Variants in SPECC1 observed in about 807,000 individuals in gnomAD.
SPECC1 encodes the protein cytospin-B.
A neutral mutation model predicts 104.1 loss-of-function variants in SPECC1; 62 were observed. The observed-to-expected ratio is 0.60, with a 90% confidence interval of 0.49 to 0.74. SPECC1 has a LOEUF of 0.74. Among genes scored for constraint, SPECC1 ranks in the 30% least tolerant of loss-of-function variants. The probability of loss-of-function intolerance (pLI) is 0.00; values close to 1 mark genes in which losing one functional copy is unlikely to be tolerated. For synonymous variants in SPECC1, 513 were observed against 501.6 expected (o/e 1.02, Z -0.30); for missense variants, 1,306 against 1,310.5 (o/e 1.00, Z 0.05).
At chr17:20,171,752 A>G (rs755259891) in intron 3 of SPECC1, among the ~76,000 whole-genome samples, 1 of 152,014 alleles carries the variant, frequency 6.6e-6, no homozygotes, top group African/African-American at 2.4e-5. Flanking sequence ...GTCTTGCTGT[A>G]TTGCTCAGGC....
chr17:20,242,331 G>A lies in SPECC1; in HGVS notation c.2352-3595G>A, dbSNP rs137982907. Among the ~76,000 whole-genome samples, 198 of 152,370 alleles carry A rather than the reference G, an allele frequency of 1.3e-3. 1 individual carries two copies. The highest frequency in any genetic ancestry group is 4.6e-3 in the African/African-American group (193 of 41,594). ...TTTAAAGGGAAATAATTAGAGACAT[G>A]TATGTATATGTGCTTAAATGACAAG... On this transcript the variant is annotated intron_variant, in intron 7 of 14. Coordinates refer to ENST00000395527, the MANE Select transcript of SPECC1 (RefSeq NM_001243439.2).
intron 3 of SPECC1, among the ~76,000 whole-genome samples, chr17:20,155,027 G>A (rs1285050902): frequency 6.6e-6 from 1 of 152,170 alleles, no homozygotes; most frequent in Non-Finnish European, 1.5e-5. Flanking sequence ...AATGAGTCTG[G>A]AGTTAGAAGA....
chr17:20,264,442 T>A (rs2040143895), intron 12 of SPECC1, among the ~76,000 whole-genome samples: 1 of 149,754 alleles, frequency 6.7e-6, no homozygotes, highest in Non-Finnish European at 1.5e-5. Flanking sequence ...TCCATGTGGC[T>A]TTTTTTGGAG....
At chr17:20,252,202 C>A (rs1331383032) in intron 9 of SPECC1, among the ~76,000 whole-genome samples, 7 of 152,040 alleles carry the variant, frequency 4.6e-5, no homozygotes, top group Admixed American at 4.6e-4. Context: ...ACTCTATTAA[C>A]AAATTTTTAA....
chr17:20,163,811 T>G (rs1375860880), intron 3 of SPECC1, among the ~76,000 whole-genome samples: 3 of 152,180 alleles, frequency 2.0e-5, no homozygotes, highest in African/African-American at 7.2e-5. Context: ...TCCTCCCACC[T>G]TGGCCTCCCA....
chr17:20,301,489 C>G (rs2041582368), intron 13 of SPECC1, among the ~76,000 whole-genome samples: 2 of 151,108 alleles, frequency 1.3e-5, no homozygotes, highest in Admixed American at 6.6e-5. Context: ...CTATTAAAAT[C>G]AAAATCTAAA....
intron 3 of SPECC1, among the ~76,000 whole-genome samples, chr17:20,202,006 G>A (rs2036465536): frequency 6.6e-6 from 1 of 152,140 alleles, no homozygotes; most frequent in African/African-American, 2.4e-5. Flanking sequence ...CTAATAATCA[G>A]TTTTATCATT....
rs1451081212 is a variant in SPECC1 at position 20,099,880 on chromosome 17, A to G, written c.147+3082A>G. On this transcript the variant is annotated intron_variant, in intron 2 of 14. Transcript: ENST00000395527. ...AAAGCAAATACAGTCATTCCTTGGT[A>G]TCCTTGGGGGATTGGTTCCAGGACC... 3.3e-5 allele frequency among the ~76,000 whole-genome samples: 5 copies of G among 152,080 alleles called. 1 individual carries two copies. The South Asian group carries it at 8.3e-4, about 25-fold the overall frequency.
At chr17:20,137,078 C>G (rs1034603876) in intron 3 of SPECC1, among the ~76,000 whole-genome samples, 2 of 152,234 alleles carry the variant, frequency 1.3e-5, no homozygotes, top group African/African-American at 4.8e-5. Flanking sequence ...CCACTCAGCT[C>G]CTTTTCAGGG....
At chr17:20,230,180 G>T (rs1215443732) in intron 5 of SPECC1, among the ~76,000 whole-genome samples, 1 of 152,196 alleles carries the variant, frequency 6.6e-6, no homozygotes, top group East Asian at 1.9e-4. Flanking sequence ...TGTGACCAGA[G>T]GCTTGCAGGA....
At chr17:20,191,021 G>C (rs1018297713) in intron 3 of SPECC1, among the ~76,000 whole-genome samples, 3 of 152,124 alleles carry the variant, frequency 2.0e-5, no homozygotes, top group African/African-American at 7.2e-5. Context: ...TTTTCAGACT[G>C]CTTCTTTAAC....
intron 1 of SPECC1, among the ~76,000 whole-genome samples, chr17:20,045,805 T>C (rs987037245): frequency 1.3e-5 from 2 of 152,200 alleles, no homozygotes; most frequent in African/African-American, 4.8e-5. Flanking sequence ...GATGCTTTTC[T>C]ACCCTGTTTA....
At chr17:20,145,017 T>C (rs2031297734) in intron 3 of SPECC1, among the ~76,000 whole-genome samples, 1 of 152,206 alleles carries the variant, frequency 6.6e-6, no homozygotes, top group African/African-American at 2.4e-5. Context: ...AGAAGGATGT[T>C]CAAGATTCTC....
chr17:20,298,565 C>CA (rs756018837), intron 13 of SPECC1, among the ~76,000 whole-genome samples: 9 of 152,134 alleles, frequency 5.9e-5, no homozygotes, highest in Non-Finnish European at 1.3e-4. Flanking sequence ...GGAGAGGCGA[C>CA]AGAGCTTCCC....
chr17:20,039,515 C>A (rs1054340292), intron 1 of SPECC1, among the ~76,000 whole-genome samples: 29 of 152,054 alleles, frequency 1.9e-4, no homozygotes, highest in African/African-American at 6.8e-4. Flanking sequence ...ATATTTTATT[C>A]TTTTAATTTC....
chr17:20,243,716 G>T (rs2151529965), intron 7 of SPECC1, among the ~76,000 whole-genome samples: 1 of 152,272 alleles, frequency 6.6e-6, no homozygotes, highest in African/African-American at 2.4e-5. Context: ...GAAGCCTGAG[G>T]TAATTGATTC....
intron 2 of SPECC1, 150 bp from the exon 3 acceptor site, chr17:20,110,277 T>G (rs1373214276): frequency 5.2e-6 from 5 of 964,050 alleles, no homozygotes; most frequent in Non-Finnish European, 7.8e-6. Context: ...GCTTTGCATT[T>G]TTTCACTTCA....
intron 14 of SPECC1, among the ~76,000 whole-genome samples, chr17:20,309,694 C>CT (rs1247565418): frequency 2.6e-4 from 40 of 152,124 alleles, no homozygotes; most frequent in Admixed American, 2.5e-3. Flanking sequence ...ATAATGGCCC[C>CT]TAGCTGAATC....
intron 1 of SPECC1, among the ~76,000 whole-genome samples, chr17:20,054,540 T>C (rs1374548933): frequency 6.6e-6 from 1 of 152,250 alleles, no homozygotes; most frequent in African/African-American, 2.4e-5. Context: ...CACATCACTG[T>C]CATTGTTTGT....
Sources: allele counts gnomAD v4.1 joint callset (sites outside exome capture counted in the v4.1 genomes callset), GRCh38; gene constraint gnomAD v4.1.1; transcripts MANE v1.5; gene names NCBI Gene and HGNC (gene_info 2026-07-23, HGNC 2026-07-21).